Variants in ATP2B2 observed in about 807,000 individuals in gnomAD.
ATP2B2 encodes the protein plasma membrane calcium-transporting ATPase 2.
Under a neutral mutation model 120.0 loss-of-function variants are expected in ATP2B2, and 15 were observed. The observed-to-expected ratio is 0.12, with a 90% CI of 0.08 to 0.19. The LOEUF (loss-of-function observed/expected upper bound fraction) is 0.19, where lower values mean the gene tolerates loss of function less well. ATP2B2 is among the 10% of genes least tolerant of loss of function. The probability of loss-of-function intolerance (pLI) is 1.00; values close to 1 mark genes in which losing one functional copy is unlikely to be tolerated. For synonymous variants in ATP2B2, 694 were observed against 700.3 expected (o/e 0.99, Z 0.14); for missense variants, 1,045 against 1,719.8 (o/e 0.61, Z 6.94).
chr3:10,560,362 G>A (rs1422028052), intron 2 of ATP2B2, among the ~76,000 whole-genome samples: 1 of 152,134 alleles, frequency 6.6e-6, no homozygotes, highest in Non-Finnish European at 1.5e-5. Context: ...TGGGAGGTGC[G>A]GCCAACCTGG....
rs191621067 is a variant in ATP2B2 at position 10,427,921 on chromosome 3, C to T, written c.200-17106G>A. ...TGTAACCCCTTTCTGCCAGCTTGAGCGTTCTGCCTCATTTCTATATAAGGT... is the reference window on the plus strand; with the variant it reads ...TGTAACCCCTTTCTGCCAGCTTGAGTGTTCTGCCTCATTTCTATATAAGGT... On this transcript the variant is annotated intron_variant, in intron 2 of 22. Coordinates refer to ENST00000360273, the MANE Select transcript of ATP2B2 (RefSeq NM_001001331.4). 2.4e-3 allele frequency among the ~76,000 whole-genome samples: 368 copies of T among 152,342 alleles called. 2 individuals carry two copies. Among genetic ancestry groups the T allele is most frequent in the African/African-American group, 8.4e-3 (351 of 41,572 alleles).
At chr3:10,417,370 G>A (rs887224480) in intron 2 of ATP2B2, among the ~76,000 whole-genome samples, 17 of 152,174 alleles carry the variant, frequency 1.1e-4, no homozygotes, top group African/African-American at 1.2e-4. Context: ...GGGCAGAGGC[G>A]CTCCTCACTA....
intron 5 of ATP2B2, among the ~76,000 whole-genome samples, chr3:10,399,705 C>A (rs761827606): frequency 6.6e-6 from 1 of 152,196 alleles, no homozygotes; most frequent in Admixed American, 6.5e-5. Flanking sequence ...TCCTGTCCTG[C>A]AGACCTGTTT....
At chr3:10,345,717 C>T (rs2060411445) in intron 17 of ATP2B2, 142 bp from the exon 18 acceptor site, 2 of 803,480 alleles carry the variant, frequency 2.5e-6, no homozygotes, top group Non-Finnish European at 4.0e-6. Context: ...CAGGGACACC[C>T]CACTCTTCAC....
At chr3:10,694,962 T>G (rs1242648092) in intron 1 of ATP2B2, among the ~76,000 whole-genome samples, 1 of 152,022 alleles carries the variant, frequency 6.6e-6, no homozygotes, top group African/African-American at 2.4e-5. Flanking sequence ...TCCAGTGTGA[T>G]GTTGTGGCTG....
chr3:10,608,949 T>C (rs1292017630), intron 2 of ATP2B2, among the ~76,000 whole-genome samples: 1 of 152,128 alleles, frequency 6.6e-6, no homozygotes, highest in Non-Finnish European at 1.5e-5. Flanking sequence ...CTCAGGTCCT[T>C]TGGGGAAGTC....
chr3:10,486,324 C>CGTGTGTGCGT (rs763360449), intron 1 of ATP2B2, among the ~76,000 whole-genome samples: 44,387 of 116,758 alleles, frequency 0.38, 6,994 homozygotes, highest in East Asian at 0.53. Flanking sequence ...TGTGTGCGTG[C>CGTGTGTGCGT]GTGTGTGTGT....
intron 1 of ATP2B2, among the ~76,000 whole-genome samples, chr3:10,673,054 C>T (rs2125694032): frequency 6.6e-6 from 1 of 152,250 alleles, no homozygotes; most frequent in East Asian, 1.9e-4. Context: ...CCTCAGTTTC[C>T]CCCTCTGGAA....
chr3:10,364,340 C>G (rs1051536536), intron 12 of ATP2B2, among the ~76,000 whole-genome samples: 5 of 152,130 alleles, frequency 3.3e-5, no homozygotes, highest in African/African-American at 1.2e-4. Context: ...CTACTATATA[C>G]TTGAAAATGG....
At chr3:10,417,902 A>G (rs1047640134) in intron 2 of ATP2B2, among the ~76,000 whole-genome samples, 4 of 152,222 alleles carry the variant, frequency 2.6e-5, no homozygotes, top group African/African-American at 9.6e-5. Context: ...GCTCCTCAGA[A>G]GAGGGGTCAG....
chr3:10,363,185 AC>A (rs1460044477), intron 12 of ATP2B2, among the ~76,000 whole-genome samples: 2 of 152,152 alleles, frequency 1.3e-5, no homozygotes, highest in Non-Finnish European at 1.5e-5. Flanking sequence ...GTTTCCATGA[AC>A]TTGAGCTCTG....
chr3:10,557,808 T>C (rs1219311495), intron 2 of ATP2B2, among the ~76,000 whole-genome samples: 1 of 152,170 alleles, frequency 6.6e-6, no homozygotes, highest in Non-Finnish European at 1.5e-5. Context: ...CTGCAGTCCA[T>C]GCTGTTGCTA....
rs973900247 is a variant in ATP2B2 at position 10,371,810 on chromosome 3, A to G, written c.1658T>C (p.Leu553Pro). ...TGGATGTGCCTGGTCCACACTTACC[A>G]GAATCTTGGTGGTGTAGGCGCTGTT... ...AINSAYTTKILPPEKEGALPR... is the reference protein window; with the variant it reads ...AINSAYTTKIPPPEKEGALPR... Residue 553 changes from leucine (L) to proline (P), a missense_variant and splice_region_variant, in exon 12 of 23, where the codon CTG (leucine) becomes CCG (proline). Coordinates refer to ENST00000360273, the MANE Select transcript of ATP2B2 (RefSeq NM_001001331.4). 1.2e-6 allele frequency: 2 copies of G among 1,614,080 alleles called. No individual in the cohort carries two copies. Among genetic ancestry groups the G allele is most frequent in the African/African-American group, 2.7e-5 (2 of 75,030 alleles).
At chr3:10,685,959 C>G (rs913825099) in intron 1 of ATP2B2, among the ~76,000 whole-genome samples, 2 of 151,740 alleles carry the variant, frequency 1.3e-5, no homozygotes, top group Non-Finnish European at 2.9e-5. Context: ...TAATGTGTCT[C>G]TCATTCTCCT....
At chr3:10,351,884 C>T (rs2060589364) in intron 14 of ATP2B2, among the ~76,000 whole-genome samples, 1 of 152,210 alleles carries the variant, frequency 6.6e-6, no homozygotes, top group Non-Finnish European at 1.5e-5. Context: ...GACAGCTCCT[C>T]CCTATCGTCA....
chr3:10,597,394 G>T (rs2068798477), intron 2 of ATP2B2, among the ~76,000 whole-genome samples: 1 of 150,974 alleles, frequency 6.6e-6, no homozygotes, highest in Non-Finnish European at 1.5e-5. Flanking sequence ...CAGGCACAGA[G>T]GCACACACAC....
At chr3:10,526,916 G>A (rs534879216) in intron 3 of ATP2B2, among the ~76,000 whole-genome samples, 1 of 152,224 alleles carries the variant, frequency 6.6e-6, no homozygotes, top group African/African-American at 2.4e-5. Flanking sequence ...ATAAGGCATG[G>A]GATAAGCCCG....
chr3:10,607,993 A>C (rs2069131341), intron 2 of ATP2B2, among the ~76,000 whole-genome samples: 1 of 152,128 alleles, frequency 6.6e-6, no homozygotes, highest in Non-Finnish European at 1.5e-5. Context: ...ATCAAGAGGC[A>C]GCATCACCCA....
At chr3:10,501,526 A>C (rs1029138762) in intron 1 of ATP2B2, among the ~76,000 whole-genome samples, 1 of 151,984 alleles carries the variant, frequency 6.6e-6, no homozygotes, top group Non-Finnish European at 1.5e-5. Flanking sequence ...GTATGCCACC[A>C]CACCCTGCTA....
Sources: allele counts gnomAD v4.1 joint callset (sites outside exome capture counted in the v4.1 genomes callset), GRCh38; gene constraint gnomAD v4.1.1; transcripts MANE v1.5; gene names NCBI Gene and HGNC (gene_info 2026-07-23, HGNC 2026-07-21).